Variants in CCDC88C observed in about 807,000 individuals in gnomAD.
CCDC88C encodes the protein coiled-coil and HOOK domain protein 88C.
CCDC88C carries 131 observed loss-of-function variants against 198.8 expected under a neutral mutation model. The ratio of observed to expected loss-of-function variants is 0.66; its 90% CI spans 0.57 to 0.76. The LOEUF is 0.76. CCDC88C is among the 30% of genes least tolerant of loss of function. The pLI is 0.00. For synonymous variants in CCDC88C, 1,166 were observed against 1,114.7 expected, an observed-to-expected ratio of 1.05 and a Z score of -0.92; for missense variants, 2,553 against 2,631.6, an observed-to-expected ratio of 0.97 and a Z score of 0.65.
intron 10 of CCDC88C, among the ~76,000 whole-genome samples, chr14:91,329,874 G>T (rs1319404078): frequency 1.3e-5 from 2 of 152,186 alleles, no homozygotes; most frequent in Non-Finnish European, 2.9e-5. Flanking sequence ...ACCTCATTTG[G>T]GCCAGACCCT....
In CCDC88C at chr14:91,325,539, C is replaced by T. The variant is rs1290150835; in HGVS notation, c.1197+371G>A. 3.9e-5 allele frequency among the ~76,000 whole-genome samples: 6 copies of T among 152,150 alleles called. No individual in the cohort carries two copies. The highest frequency in any genetic ancestry group is 1.3e-4 in the Admixed American group (2 of 15,276). On this transcript the variant is annotated intron_variant, in intron 11 of 29. Coordinates refer to ENST00000389857, the MANE Select transcript of CCDC88C (RefSeq NM_001080414.4). The surrounding 1 kb of genome is among the most constrained non-coding windows in gnomAD (Gnocchi z 4.1). ...GTAGCTAAACTATCAGAGAAGGGCA[C>T]GCCATAAACCTGAACCTGCCCCAAT... is the stretch of plus-strand genomic sequence containing the variant.
chr14:91,324,989 AG>A, intron 11 of CCDC88C, 66 bp from the exon 12 acceptor site: 1 of 1,596,578 alleles, frequency 6.3e-7, no homozygotes, highest in Non-Finnish European at 8.5e-7. Flanking sequence ...GACAAGCCTC[AG>A]CCCCTGTATA....
chr14:91,357,058 T>C (rs1596107940), intron 4 of CCDC88C, among the ~76,000 whole-genome samples: 2 of 152,240 alleles, frequency 1.3e-5, no homozygotes, highest in Middle Eastern at 6.8e-3. Flanking sequence ...ACCTAACCCA[T>C]AGATGTCCAT....
At chr14:91,299,060 C>G (rs989367102) in intron 21 of CCDC88C, among the ~76,000 whole-genome samples, 1 of 152,208 alleles carries the variant, frequency 6.6e-6, no homozygotes, top group Non-Finnish European at 1.5e-5. Flanking sequence ...AATTAGTGAA[C>G]AGCGAAGCAT....
chr14:91,324,692 A>G (rs1892509031), intron 12 of CCDC88C, 87 bp downstream of exon 12: 2 of 1,493,652 alleles, frequency 1.3e-6, no homozygotes, highest in South Asian at 1.2e-5. Context: ...ATGGGCTAAC[A>G]TGGCAGATTC....
At chr14:91,312,454 G>A (rs376278558) in intron 15 of CCDC88C, among the ~76,000 whole-genome samples, 47 of 151,594 alleles carry the variant, frequency 3.1e-4, no homozygotes, top group African/African-American at 1.0e-3. Flanking sequence ...AGGCCGAGGC[G>A]GGTGGGTCAC....
chr14:91,324,426 C>T (rs1333416879), intron 12 of CCDC88C, among the ~76,000 whole-genome samples: 1 of 152,280 alleles, frequency 6.6e-6, no homozygotes, highest in Admixed American at 6.5e-5. Context: ...TTCGTGGCCA[C>T]TGGTGATGGC....
At chr14:91,311,007 C>T (rs74640648) in intron 15 of CCDC88C, among the ~76,000 whole-genome samples, 3,151 of 152,240 alleles carry the variant, frequency 0.021, 122 homozygotes, top group African/African-American at 0.072. Context: ...GTGGGTGACT[C>T]CCTGACTGGA....
At chr14:91,348,615 AT>A (rs1893652523) in intron 4 of CCDC88C, among the ~76,000 whole-genome samples, 3 of 152,128 alleles carry the variant, frequency 2.0e-5, no homozygotes, top group Non-Finnish European at 4.4e-5. Context: ...TCATTCCCTC[AT>A]TCATCCCAAC....
At chr14:91,402,258 C>T (rs530515403) in intron 3 of CCDC88C, among the ~76,000 whole-genome samples, 4 of 151,974 alleles carry the variant, frequency 2.6e-5, no homozygotes, top group Admixed American at 1.3e-4. Context: ...CCTGGGAAAC[C>T]GAGCAAGACT....
intron 24 of CCDC88C, among the ~76,000 whole-genome samples, chr14:91,290,482 C>T (rs1890613738): frequency 6.6e-6 from 1 of 152,182 alleles, no homozygotes; most frequent in Admixed American, 6.5e-5. Context: ...GTGGGCCAGC[C>T]CCACTTGGGG....
intron 22 of CCDC88C, among the ~76,000 whole-genome samples, chr14:91,296,772 C>G (rs1319314020): frequency 6.6e-6 from 1 of 152,164 alleles, no homozygotes; most frequent in Non-Finnish European, 1.5e-5. Flanking sequence ...CGTGCTCCTC[C>G]CTGCCAGACC....
intron 3 of CCDC88C, chr14:91,384,362 C>T: frequency 2.4e-6 from 1 of 409,716 alleles, no homozygotes; most frequent in Non-Finnish European, 4.9e-6. Flanking sequence ...TGAAAATAGG[C>T]TTGTCAAATG....
At chr14:91,372,642 G>A (rs149849606) in intron 3 of CCDC88C, among the ~76,000 whole-genome samples, 13 of 151,718 alleles carry the variant, frequency 8.6e-5, no homozygotes, top group African/African-American at 1.7e-4. Context: ...ACAGTCCCAC[G>A]ATGAAGGACA....
At position 91,376,892 on chromosome 14, in the gene CCDC88C, C is replaced by A. The variant is rs538076050; in HGVS notation, c.271-17181G>T. On this transcript the variant is annotated intron_variant, in intron 3 of 29. Transcript: ENST00000389857. ...AGTGACTGCCACAGCCCCGGCCACC[C>A]AGACCTGGGAAAGTGGGGCTGGCCC... Among the ~76,000 whole-genome samples the A allele has an allele frequency of 5.5e-3, 841 of 152,344 alleles. 6 individuals are homozygous for A. Among genetic ancestry groups the A allele is most frequent in the Non-Finnish European group, 8.4e-3 (574 of 68,016 alleles).
At chr14:91,293,935 T>C (rs565894667) in intron 23 of CCDC88C, among the ~76,000 whole-genome samples, 1 of 152,236 alleles carries the variant, frequency 6.6e-6, no homozygotes, top group Admixed American at 6.5e-5. Context: ...AGAAAAGAAG[T>C]TTCTGGTGGT....
chr14:91,324,304 C>T (rs1237841873), intron 12 of CCDC88C, among the ~76,000 whole-genome samples: 3 of 152,246 alleles, frequency 2.0e-5, no homozygotes, highest in African/African-American at 7.2e-5. Flanking sequence ...TCCGGGGCAG[C>T]AGCCACTCAG....
chr14:91,394,427 T>TAA (rs1165586007), intron 3 of CCDC88C, among the ~76,000 whole-genome samples: 3 of 152,152 alleles, frequency 2.0e-5, no homozygotes, highest in Non-Finnish European at 4.4e-5. Flanking sequence ...ATCCTCTAAT[T>TAA]ATTCAACAGT....
At chr14:91,404,973 AAAAAAG>A (rs936759873) in intron 3 of CCDC88C, among the ~76,000 whole-genome samples, 13 of 151,690 alleles carry the variant, frequency 8.6e-5, no homozygotes, top group African/African-American at 3.1e-4. Context: ...TCAAAAAAAA[AAAAAAG>A]AGAAAAGAAA....
Sources: gnomAD v4.1 joint callset for allele counts (sites outside exome capture counted in the v4.1 genomes callset) on GRCh38, gnomAD v4.1.1 for gene constraint, Gnocchi (gnomAD v3.1) non-coding constraint, MANE v1.5 for transcripts, NCBI Gene and HGNC (gene_info 2026-07-23, HGNC 2026-07-21) for gene names.